TNRC6B: variants seen among roughly 807,000 people sequenced by gnomAD.
TNRC6B encodes the protein trinucleotide repeat containing adaptor 6B.
A neutral mutation model predicts 203.6 loss-of-function variants in TNRC6B; 52 were observed. The ratio of observed to expected loss-of-function variants is 0.26; its 90% confidence interval spans 0.20 to 0.32. The LOEUF (loss-of-function observed/expected upper bound fraction) is 0.32, where lower values mean the gene tolerates loss of function less well. TNRC6B is among the 10% of genes least tolerant of loss of function. The probability of loss-of-function intolerance (pLI) is 1.00; values close to 1 mark genes in which losing one functional copy is unlikely to be tolerated. For synonymous variants in TNRC6B, 838 were observed against 845.7 expected, an observed-to-expected ratio of 0.99 and a Z score of 0.16; for missense variants, 1,923 against 2,286.2, an observed-to-expected ratio of 0.84 and a Z score of 3.24.
At chr22:40,297,206 A>G (rs1289457929) in intron 12 of TNRC6B, among the ~76,000 whole-genome samples, 1 of 152,216 alleles carries the variant, frequency 6.6e-6, no homozygotes, top group Non-Finnish European at 1.5e-5. Flanking sequence ...TGAGATGGAA[A>G]TATATTGGCT....
At chr22:40,084,232 G>C (rs751542422) in intron 1 of TNRC6B, among the ~76,000 whole-genome samples, 1 of 152,164 alleles carries the variant, frequency 6.6e-6, no homozygotes, top group Non-Finnish European at 1.5e-5. Context: ...AGGGGTAGAA[G>C]GACCCATGGC....
At chr22:40,293,127 A>G (rs182405652) in intron 12 of TNRC6B, among the ~76,000 whole-genome samples, 1 of 151,538 alleles carries the variant, frequency 6.6e-6, no homozygotes, top group East Asian at 1.9e-4. Context: ...TCTACTGTTC[A>G]TAGACATTTG....
At position 40,072,047 on chromosome 22, in the gene TNRC6B, G is replaced by A. The variant is rs150889972; in HGVS notation, c.-121+27049G>A. Among the ~76,000 whole-genome samples the A allele has an allele frequency of 2.2e-3, 336 of 152,212 alleles. 1 individual carries two copies. The highest frequency in any genetic ancestry group is 0.02 in the Middle Eastern group (6 of 294). On this transcript the variant is annotated intron_variant, in intron 1 of 23. Transcript: ENST00000301923. ...TTTTAAAAATCTTTTTGTAGAGACA[G>A]GGTCTCACTGTGTTTCCCAGACTGG...
intron 3 of TNRC6B, among the ~76,000 whole-genome samples, chr22:40,130,723 C>T (rs1297029597): frequency 7.8e-6 from 1 of 128,634 alleles, no homozygotes; most frequent in Non-Finnish European, 1.5e-5. Flanking sequence ...GTGGAGCTTG[C>T]AGTGAGCCAA....
intron 1 of TNRC6B, among the ~76,000 whole-genome samples, chr22:40,058,852 A>G (rs575929479): frequency 6.6e-6 from 1 of 152,172 alleles, no homozygotes; most frequent in African/African-American, 2.4e-5. Flanking sequence ...TTTTATGTTC[A>G]TGCCACCATC....
intron 1 of TNRC6B, among the ~76,000 whole-genome samples, chr22:40,070,483 C>T (rs1454372787): frequency 1.3e-5 from 2 of 152,072 alleles, no homozygotes; most frequent in African/African-American, 4.8e-5. Context: ...ATTCTGATAC[C>T]ATCTGCTAAA....
At position 40,329,548 on chromosome 22, in the gene TNRC6B, G is replaced by C. The variant is rs1056490814; in HGVS notation, c.*6307G>C. The C allele has an allele frequency of 6.6e-6, 1 of 151,462 alleles. No homozygotes were observed. The highest frequency in any genetic ancestry group is 1.5e-5 in the Non-Finnish European group (1 of 67,942). The allele number at this position is 151,462 out of a possible 1,614,324, so 9.4% of individuals were successfully genotyped here. On this transcript the variant is annotated 3_prime_UTR_variant, in exon 23 of 23. Transcript: ENST00000454349. ...GTAATAACAATAAAAATTCAACATCGACCCTCCCTAACCTGCTCACCATAC... is the reference window on the plus strand; with the variant it reads ...GTAATAACAATAAAAATTCAACATCCACCCTCCCTAACCTGCTCACCATAC...
rs564290439 is a variant in TNRC6B, at chr22:40,111,390, A to G, written c.-120-5665A>G. 2.6e-3 allele frequency among the ~76,000 whole-genome samples: 393 copies of G among 152,294 alleles called. 1 individual carries two copies. The highest frequency in any genetic ancestry group is 4.0e-3 in the Non-Finnish European group (275 of 68,018). On this transcript the variant is annotated intron_variant, in intron 1 of 23. Coordinates refer to the TNRC6B transcript ENST00000301923. Reference sequence around the variant, plus strand: ...CATTGCAAAGGCAGTAAGGATTTCTACTTTTTAAAGGTAATTCTAGTGGTG... The same window carrying G: ...CATTGCAAAGGCAGTAAGGATTTCTGCTTTTTAAAGGTAATTCTAGTGGTG...
chr22:40,130,233 C>T (rs1214937870), intron 3 of TNRC6B, among the ~76,000 whole-genome samples: 2 of 152,122 alleles, frequency 1.3e-5, no homozygotes, highest in East Asian at 1.9e-4. Flanking sequence ...TAACGGGCCT[C>T]GTACTGCAGT....
In TNRC6B at chr22:40,177,939, A is replaced by G. The variant is rs916050906; in HGVS notation, c.-197A>G. ...CTGCTTCCTTTAGAGACAGAGAGGG[A>G]GAGAGAGAGCAAGAGGGAGAGTGTG... On this transcript the variant is annotated 5_prime_UTR_variant, in exon 1 of 23. Transcript: ENST00000454349. 22 of 1,378,102 alleles carry G rather than the reference A, an allele frequency of 1.6e-5. No homozygotes were observed. The highest frequency in any genetic ancestry group is 3.4e-5 in the Admixed American group (1 of 29,578). 85.4% of individuals were successfully genotyped at this position (1,378,102 alleles called of 1,614,324 possible). A position where few individuals can be genotyped will look rare whatever the true frequency, so the allele number is the denominator to read the frequency against.
chr22:40,313,589 T>C (rs2071216975), intron 19 of TNRC6B, among the ~76,000 whole-genome samples: 1 of 152,258 alleles, frequency 6.6e-6, no homozygotes, highest in Admixed American at 6.5e-5. Flanking sequence ...GACATATTAG[T>C]AATTGGCACC....
At chr22:40,133,901 C>T (rs938949445) in intron 3 of TNRC6B, among the ~76,000 whole-genome samples, 9 of 123,038 alleles carry the variant, frequency 7.3e-5, no homozygotes, top group Admixed American at 3.2e-4. Context: ...ACCCAGGAGG[C>T]GGAGGTTGTG....
intron 3 of TNRC6B, among the ~76,000 whole-genome samples, chr22:40,149,732 G>C (rs766314569): frequency 2.0e-5 from 3 of 151,224 alleles, no homozygotes; most frequent in Non-Finnish European, 4.4e-5. Context: ...GAAACTTTTA[G>C]GGTGGTATGT....
intron 4 of TNRC6B, among the ~76,000 whole-genome samples, chr22:40,172,371 C>G (rs750354110): frequency 6.6e-6 from 1 of 152,238 alleles, no homozygotes; most frequent in Non-Finnish European, 1.5e-5. Flanking sequence ...ACTGCTGCAT[C>G]CCTAGCACTT....
chr22:40,096,555 C>T (rs995869767), intron 1 of TNRC6B, among the ~76,000 whole-genome samples: 7 of 152,168 alleles, frequency 4.6e-5, no homozygotes, highest in Non-Finnish European at 1.5e-5. Context: ...ACTCAGTGTG[C>T]ATCATCCATT....
intron 1 of TNRC6B, among the ~76,000 whole-genome samples, chr22:40,075,156 A>ATTTTTTTTTTTTTTTTTTTTTTTTT (rs58240994): frequency 2.8e-5 from 1 of 35,568 alleles, no homozygotes; most frequent in Non-Finnish European, 5.2e-5. Context: ...ATATATATAT[A>ATTTTTTTTTTTTTTTTTTTTTTTTT]TTTTTTTTTT....
chr22:40,216,798 G>A (rs971275672), intron 1 of TNRC6B, among the ~76,000 whole-genome samples: 2 of 152,146 alleles, frequency 1.3e-5, no homozygotes, highest in African/African-American at 2.4e-5. Context: ...GCCTTCTCTA[G>A]TATTCATCGG....
intron 2 of TNRC6B, among the ~76,000 whole-genome samples, chr22:40,124,520 G>GC (rs2146323294): frequency 6.6e-6 from 1 of 151,768 alleles, no homozygotes; most frequent in Admixed American, 6.6e-5. Context: ...GTGGGGTTTC[G>GC]CCCCCAGGCT....
At chr22:40,153,770 G>A (rs1002492034) in intron 3 of TNRC6B, among the ~76,000 whole-genome samples, 2 of 151,694 alleles carry the variant, frequency 1.3e-5, no homozygotes, top group African/African-American at 4.8e-5. Flanking sequence ...TGAGGGTGGG[G>A]CAGGGGTGGA....
Sources: gnomAD v4.1 joint callset for allele counts (sites outside exome capture counted in the v4.1 genomes callset) on GRCh38, gnomAD v4.1.1 for gene constraint, MANE v1.5 for transcripts, NCBI Gene and HGNC (gene_info 2026-07-23, HGNC 2026-07-21) for gene names.